THEMIS: variants seen among roughly 807,000 people sequenced by gnomAD.
THEMIS encodes thymocyte selection associated.
In THEMIS, 37 loss-of-function variants were observed where a neutral mutation model predicts 52.6. That is an observed-to-expected ratio of 0.70 (90% CI 0.54 to 0.93). The LOEUF (loss-of-function observed/expected upper bound fraction) is 0.93. Ranked by LOEUF, THEMIS falls within the 40% of genes least tolerant of loss-of-function variation. THEMIS has a pLI of 0.00. For missense variants in THEMIS, 808 were observed against 763.1 expected (o/e 1.06, Z -0.69); for synonymous variants, 292 against 272.7 (o/e 1.07, Z -0.70).
chr6:127,762,357 T>C (rs1177770124), intron 4 of THEMIS, among the ~76,000 whole-genome samples: 1 of 152,054 alleles, frequency 6.6e-6, no homozygotes, highest in East Asian at 1.9e-4. Flanking sequence ...TATTATATTG[T>C]ATAGGTAAAA....
intron 1 of THEMIS, among the ~76,000 whole-genome samples, chr6:127,897,204 T>C (rs1780994988): frequency 6.6e-6 from 1 of 151,378 alleles, no homozygotes; most frequent in East Asian, 1.9e-4. Context: ...ATAGGATTTC[T>C]AGAAGATAAT....
In THEMIS at chr6:127,812,890, G is replaced by A. The variant is rs188932478; in HGVS notation, c.1751C>T (p.Ser584Phe). The change falls in exon 4 of 6, where the codon TCT becomes TTT. Residue 584 changes from serine (S) to phenylalanine (F), a missense_variant. Coordinates refer to ENST00000368248, the MANE Select transcript of THEMIS (RefSeq NM_001010923.3). ...GCAAAACCATAGCCTTACCTTGGGA[G>A]ACTTGGGCAGGTCTACCGTCCTTTC... The part of the protein sequence containing the change: ...AEERTVDLPK[S>F]PKRHHVDITK... 152 of 1,596,352 alleles carry A rather than the reference G, an allele frequency of 9.5e-5. 3 individuals are homozygous for A. The Admixed American group carries it at 2.6e-3, about 27-fold the overall frequency.
intron 3 of THEMIS, among the ~76,000 whole-genome samples, chr6:127,818,789 G>A (rs183590478): frequency 1.4e-3 from 214 of 151,926 alleles, no homozygotes; most frequent in Non-Finnish European, 2.2e-3. Context: ...CAAAGAGATG[G>A]AAACTCTAGG....
chr6:127,867,432 T>C (rs1780018050), intron 1 of THEMIS, among the ~76,000 whole-genome samples: 1 of 152,138 alleles, frequency 6.6e-6, no homozygotes, highest in African/African-American at 2.4e-5. Flanking sequence ...TGTTGCTTTC[T>C]TCAACAGATC....
Position 127,813,785 on chromosome 6 carries a change from C to T in THEMIS, c.856G>A (p.Glu286Lys), listed in dbSNP as rs1224141028. The stretch of plus-strand genomic sequence containing the variant: ...TTTCCTTCAGGTGCTTCTATGACTT[C>T]AGTCACTATGGGGAACTCTTTACTA... The part of the protein sequence containing the change: ...MTSKEFPIVT[E>K]VIEAPEGNHL... The change falls in exon 4 of 6, where the codon GAA (glutamate) becomes AAA (lysine). Residue 286 changes from glutamate (E) to lysine (K), a missense_variant. Transcript: ENST00000368248. 1 of 1,614,012 alleles carries T rather than the reference C, an allele frequency of 6.2e-7. No individual in the cohort carries two copies. Among genetic ancestry groups the T allele is most frequent in the Non-Finnish European group, 8.5e-7 (1 of 1,179,966 alleles).
At chr6:127,862,760 C>T (rs1392734518) in intron 1 of THEMIS, among the ~76,000 whole-genome samples, 1 of 151,766 alleles carries the variant, frequency 6.6e-6, no homozygotes, top group Non-Finnish European at 1.5e-5. Context: ...AATAACATAC[C>T]GAGTAGTCTC....
intron 4 of THEMIS, among the ~76,000 whole-genome samples, chr6:127,778,645 G>C (rs1419426138): frequency 6.6e-6 from 1 of 152,020 alleles, no homozygotes; most frequent in African/African-American, 2.4e-5. Context: ...ACAGTGATCT[G>C]ATCTTTTTTG....
intron 4 of THEMIS, among the ~76,000 whole-genome samples, chr6:127,792,833 C>A (rs898045005): frequency 1.2e-4 from 18 of 152,190 alleles, no homozygotes; most frequent in African/African-American, 3.1e-4. Flanking sequence ...GCTGCACAGA[C>A]AATGAGAAAG....
chr6:127,758,223 A>G (rs1205596257), intron 4 of THEMIS, among the ~76,000 whole-genome samples: 1 of 150,848 alleles, frequency 6.6e-6, no homozygotes, highest in Non-Finnish European at 1.5e-5. Flanking sequence ...AAGATGTTTT[A>G]TGGTTGATAG....
chr6:127,731,599 G>T (rs1234803233), intron 4 of THEMIS, among the ~76,000 whole-genome samples: 1 of 147,364 alleles, frequency 6.8e-6, no homozygotes, highest in African/African-American at 2.5e-5. Context: ...AAAAAAAAAA[G>T]GTTCTAATTT....
chr6:127,868,477 C>G (rs1051434469), intron 1 of THEMIS: 3 of 985,276 alleles, frequency 3.0e-6, no homozygotes, highest in South Asian at 9.4e-5. Context: ...CATTTCCCAA[C>G]CTTCCACAAA....
chr6:127,854,631 C>T (rs1779554777), intron 2 of THEMIS, among the ~76,000 whole-genome samples: 2 of 151,670 alleles, frequency 1.3e-5, no homozygotes, highest in South Asian at 4.1e-4. Flanking sequence ...AACGGTGATC[C>T]AAGGAGCTAG....
intron 4 of THEMIS, among the ~76,000 whole-genome samples, chr6:127,742,140 C>T (rs975567071): frequency 2.6e-5 from 4 of 151,530 alleles, no homozygotes; most frequent in East Asian, 1.9e-4. Flanking sequence ...GGTGAAACCC[C>T]GTCTCTATCA....
rs757672063 is a variant in THEMIS, at chr6:127,709,961, CT to C, written c.*23del. On this transcript the variant is annotated 3_prime_UTR_variant, in exon 6 of 6. Transcript: ENST00000368248. ...TCACTGCAACATTTATGTTTGCTGC[CT>C]AAGTGGCTTCTGTCACATCTTGTTA... 2.5e-5 allele frequency: 39 copies of C among 1,583,026 alleles called. No homozygotes were observed. In the African/African-American group the frequency reaches 4.7e-4, roughly 19 times the overall value.
chr6:127,824,447 A>G (rs1778436565), intron 3 of THEMIS, among the ~76,000 whole-genome samples: 1 of 152,118 alleles, frequency 6.6e-6, no homozygotes, highest in South Asian at 2.1e-4. Context: ...TGGCAGGATA[A>G]TATCTAAAAT....
chr6:127,882,372 T>A (rs1780511678), intron 1 of THEMIS, among the ~76,000 whole-genome samples: 2 of 152,024 alleles, frequency 1.3e-5, no homozygotes, highest in Middle Eastern at 3.4e-3. Context: ...CCCAACCATA[T>A]AAAATTGACA....
At position 127,813,670 on chromosome 6, in the gene THEMIS, C is replaced by A. The variant is rs1192421014; in HGVS notation, c.971G>T (p.Arg324Ile). The change falls in exon 4 of 6, where the codon AGA becomes ATA. Residue 324 changes from arginine to isoleucine, a missense_variant. Arg to Ile is a moderately conservative substitution (Grantham distance 97). Coordinates refer to ENST00000368248, the MANE Select transcript of THEMIS (RefSeq NM_001010923.3). ...QASRILASEI[R>I]SNFPKRHFLI... is the part of the protein sequence containing the mutation. The stretch of plus-strand genomic sequence containing the variant: ...GAAGTGTCTTTTAGGAAAATTGCTT[C>A]TAATTTCTGAAGCTAAGATTCTTGA... 5.0e-6 allele frequency: 8 copies of A among 1,613,998 alleles called. No homozygotes were observed. Among genetic ancestry groups the A allele is most frequent in the Non-Finnish European group, 6.8e-6 (8 of 1,180,008 alleles).
At chr6:127,736,422 G>A (rs1214216020) in intron 4 of THEMIS, among the ~76,000 whole-genome samples, 1 of 152,110 alleles carries the variant, frequency 6.6e-6, no homozygotes, top group African/African-American at 2.4e-5. Context: ...ATTTAGATAA[G>A]TAGGGAATAA....
chr6:127,852,888 T>C (rs999815772), intron 2 of THEMIS, among the ~76,000 whole-genome samples: 1 of 151,528 alleles, frequency 6.6e-6, no homozygotes, highest in African/African-American at 2.4e-5. Flanking sequence ...AAAACTGTTT[T>C]ATAAACATCA....
Sources: allele counts gnomAD v4.1 joint callset (sites outside exome capture counted in the v4.1 genomes callset), GRCh38; gene constraint gnomAD v4.1.1; transcripts MANE v1.5; gene names NCBI Gene and HGNC (gene_info 2026-07-23, HGNC 2026-07-21).